The following NAA16 variants were observed in gnomAD, a reference collection of about 807,000 sequenced individuals.
The protein encoded by NAA16 is NARG1-like protein.
NAA16 carries 97 observed loss-of-function variants against 110.3 expected under a neutral mutation model. The observed-to-expected ratio is 0.88, with a 90% CI of 0.75 to 1.04. The LOEUF is 1.04. Among genes scored for constraint, NAA16 ranks in the 50% least tolerant of loss-of-function variants. The pLI is 0.00. For synonymous variants in NAA16, 372 were observed against 330.6 expected, an observed-to-expected ratio of 1.13 and a Z score of -1.36; for missense variants, 1,017 against 1,005.1, an observed-to-expected ratio of 1.01 and a Z score of -0.16.
At chr13:41,355,331 T>G in intron 10 of NAA16, 115 bp downstream of exon 10, 1 of 608,476 alleles carries the variant, frequency 1.6e-6, no homozygotes, top group East Asian at 2.9e-5. Context: ...AATAAATGGC[T>G]TTCAAATTGG....
At chr13:41,351,918 A>G (rs2042845819) in intron 9 of NAA16, among the ~76,000 whole-genome samples, 1 of 152,238 alleles carries the variant, frequency 6.6e-6, no homozygotes, top group African/African-American at 2.4e-5. Context: ...AATTTGTCAT[A>G]TTACACACTA....
intron 1 of NAA16, among the ~76,000 whole-genome samples, chr13:41,313,865 CTTTT>C (rs35329834): frequency 6.9e-6 from 1 of 144,124 alleles, no homozygotes. Flanking sequence ...GTAGATTTGT[CTTTT>C]TTTTTTTTTT....
At chr13:41,329,467 A>T (rs1456094974) in intron 7 of NAA16, among the ~76,000 whole-genome samples, 1 of 151,756 alleles carries the variant, frequency 6.6e-6, no homozygotes, top group East Asian at 1.9e-4. Flanking sequence ...TATTCCTGAA[A>T]TAATTATGAA....
chr13:41,347,001 G>A (rs1189355911), intron 9 of NAA16, among the ~76,000 whole-genome samples: 2 of 151,832 alleles, frequency 1.3e-5, no homozygotes, highest in African/African-American at 2.4e-5. Flanking sequence ...GGTGGATCAC[G>A]AGGTCAAGAG....
chr13:41,340,894 C>T (rs540028189), intron 9 of NAA16, among the ~76,000 whole-genome samples: 4 of 151,784 alleles, frequency 2.6e-5, no homozygotes, highest in Non-Finnish European at 4.4e-5. Flanking sequence ...GTCTCGATCT[C>T]CTGACCTCGT....
intron 1 of NAA16, among the ~76,000 whole-genome samples, chr13:41,316,337 C>A (rs1448630343): frequency 1.4e-5 from 2 of 147,064 alleles, no homozygotes; most frequent in Non-Finnish European, 3.0e-5. Context: ...GACAGAGTCT[C>A]GCTCTGTTTC....
chr13:41,320,441 C>A (rs2041917049), intron 3 of NAA16, among the ~76,000 whole-genome samples: 1 of 152,032 alleles, frequency 6.6e-6, no homozygotes, highest in African/African-American at 2.4e-5. Context: ...AATAATGACC[C>A]CTTTCCCATG....
intron 8 of NAA16, among the ~76,000 whole-genome samples, chr13:41,332,374 T>G (rs1441005021): frequency 6.6e-6 from 1 of 152,172 alleles, no homozygotes; most frequent in Non-Finnish European, 1.5e-5. Context: ...CTTTTGTACT[T>G]TATATAAATA....
chr13:41,358,784 G>A (rs1204778616), intron 11 of NAA16, 26 bp from the exon 12 acceptor site: 3 of 1,543,486 alleles, frequency 1.9e-6, no homozygotes, highest in Admixed American at 4.1e-5. Flanking sequence ...ATTATAAATT[G>A]TGGTTCCTTT....
rs1050501274 is a variant in NAA16, at chr13:41,376,261, C to G, written c.*659C>G. On this transcript the variant is annotated 3_prime_UTR_variant, in exon 20 of 20. Coordinates refer to ENST00000379406, the MANE Select transcript of NAA16 (RefSeq NM_024561.5). Reference sequence around the variant, plus strand: ...CCGAGATCATGCCACTGCACTCCAGCCTGGGCAACAGAGCAAGACTCCATC... The same window carrying G: ...CCGAGATCATGCCACTGCACTCCAGGCTGGGCAACAGAGCAAGACTCCATC... 6.6e-6 allele frequency: 1 copy of G among 152,234 alleles called. No homozygotes were observed. The highest frequency in any genetic ancestry group is 1.5e-5 in the Non-Finnish European group (1 of 68,096). The allele number at this position is 152,234 out of a possible 1,614,324, so 9.4% of individuals were successfully genotyped here. A position where few individuals can be genotyped will look rare whatever the true frequency, so the allele number is the denominator to read the frequency against.
intron 9 of NAA16, among the ~76,000 whole-genome samples, chr13:41,342,200 C>T (rs1407604221): frequency 3.2e-4 from 49 of 151,202 alleles, no homozygotes; most frequent in African/African-American, 1.1e-3. Context: ...TGCAGTGGCA[C>T]GCTCTCGGCT....
chr13:41,316,727 C>T, intron 1 of NAA16, 119 bp from the exon 2 acceptor site: 1 of 646,552 alleles, frequency 1.5e-6, no homozygotes. Context: ...AAGTGATATC[C>T]TTTCTATCAC....
intron 17 of NAA16, chr13:41,373,248 G>T (rs1378592122): frequency 2.0e-5 from 16 of 782,704 alleles, no homozygotes; most frequent in Admixed American, 6.3e-5. Context: ...AAGGTTTTTT[G>T]TTGTTGTTGT....
intron 3 of NAA16, 63 bp downstream of exon 3, chr13:41,318,973 A>C (rs1312706604): frequency 4.3e-6 from 4 of 931,774 alleles, no homozygotes; most frequent in Non-Finnish European, 6.3e-6. Flanking sequence ...TTCAAATTAA[A>C]TTTGTACTAT....
At chr13:41,325,658 A>G (rs1280322873) in intron 5 of NAA16, 40 bp from the exon 6 acceptor site, 1 of 1,399,760 alleles carries the variant, frequency 7.1e-7, no homozygotes, top group Non-Finnish European at 9.8e-7. Flanking sequence ...ACTGCTTTAT[A>G]TAATTATACA....
Position 41,375,707 on chromosome 13 carries a change from G to T in NAA16, c.*105G>T. Reference sequence around the variant, plus strand: ...ACGTATGAAATGAAATATTTGGTTAGGATTTTTAAATGGCATATTCTGTAA... The same window carrying T: ...ACGTATGAAATGAAATATTTGGTTATGATTTTTAAATGGCATATTCTGTAA... On this transcript the variant is annotated 3_prime_UTR_variant, in exon 20 of 20. Transcript: ENST00000379406. 2.3e-6 allele frequency: 2 copies of T among 864,838 alleles called. No individual in the cohort carries two copies. Among genetic ancestry groups the T allele is most frequent in the Non-Finnish European group, 3.4e-6 (2 of 580,992 alleles). The allele number at this position is 864,838 out of a possible 1,614,324, so 53.6% of individuals were successfully genotyped here. A position where few individuals can be genotyped will look rare whatever the true frequency, so the allele number is the denominator to read the frequency against.
At chr13:41,321,376 T>C (rs904910230) in intron 4 of NAA16, among the ~76,000 whole-genome samples, 1 of 152,180 alleles carries the variant, frequency 6.6e-6, no homozygotes, top group Non-Finnish European at 1.5e-5. Flanking sequence ...AAGGTCTTGC[T>C]ATGTTACCAA....
intron 13 of NAA16, chr13:41,362,470 C>T (rs762635239): frequency 3.0e-6 from 1 of 330,828 alleles, no homozygotes; most frequent in Non-Finnish European, 5.7e-6. Context: ...TATTCATCAC[C>T]ACCCTAAGAG....
At chr13:41,356,172 CAT>C (rs1276670040) in intron 10 of NAA16, among the ~76,000 whole-genome samples, 2 of 150,490 alleles carry the variant, frequency 1.3e-5, no homozygotes, top group South Asian at 2.1e-4. Flanking sequence ...TGTGTGTGTG[CAT>C]ACGCGCGCAC....
Sources: gnomAD v4.1 joint callset for allele counts (sites outside exome capture counted in the v4.1 genomes callset) on GRCh38, gnomAD v4.1.1 for gene constraint, MANE v1.5 for transcripts, NCBI Gene and HGNC (gene_info 2026-07-23, HGNC 2026-07-21) for gene names.